Variants in OPRM1 observed in about 807,000 individuals in gnomAD.
OPRM1 encodes mu-type opioid receptor.
In OPRM1, 27 loss-of-function variants were observed where a neutral mutation model predicts 31.8. The ratio of observed to expected loss-of-function variants is 0.85; its 90% CI spans 0.63 to 1.17. The LOEUF (loss-of-function observed/expected upper bound fraction) is 1.17, where lower values mean the gene tolerates loss of function less well. OPRM1 is among the 50% of genes most tolerant of loss of function. The pLI is 0.00. For synonymous variants in OPRM1, 196 were observed against 189.9 expected (o/e 1.03, Z -0.26); for missense variants, 536 against 511.1 (o/e 1.05, Z -0.47).
intron 3 of OPRM1, among the ~76,000 whole-genome samples, chr6:154,098,211 G>T (rs1327821831): frequency 6.6e-6 from 1 of 152,146 alleles, no homozygotes; most frequent in African/African-American, 2.4e-5. Context: ...TCTCAGCATG[G>T]TCTCAGACCT....
intron 1 of OPRM1, chr6:154,086,884 T>TA (rs2128477767): frequency 1.1e-5 from 11 of 983,742 alleles, no homozygotes; most frequent in Non-Finnish European, 1.2e-5. Flanking sequence ...TTCTTCTTAT[T>TA]AAAAAAATAA....
chr6:154,044,271 CAT>C lies in OPRM1; in HGVS notation c.290+4447_290+4448del, dbSNP rs761999693. Among the ~76,000 whole-genome samples the C allele has an allele frequency of 8.6e-5, 13 of 151,888 alleles. No homozygotes were observed. The East Asian group carries it at 2.1e-3, about 25-fold the overall frequency. ...TAAACATTTACTACATATGGAAACA[CAT>C]ATATATATAGTAAACATATGGAAAC... On this transcript the variant is annotated intron_variant, in intron 1 of 3. Transcript: ENST00000330432.
intron 3 of OPRM1, among the ~76,000 whole-genome samples, chr6:154,109,551 G>A (rs1796085245): frequency 6.6e-6 from 1 of 152,120 alleles, no homozygotes; most frequent in South Asian, 2.1e-4. Context: ...TGATGATTAG[G>A]GAATCAGAGG....
At chr6:154,132,948 C>T (rs1238610437), downstream of OPRM1, among the ~76,000 whole-genome samples, 2 of 151,896 alleles carry the variant, frequency 1.3e-5, no homozygotes, top group Non-Finnish European at 2.9e-5. Context: ...GGTGAAACCC[C>T]ATCTCTACTA....
rs1187907157 is a variant in OPRM1 at position 154,122,407 on chromosome 6, C to A, written c.*3686C>A. ...TTCATAAATGCCTGGGCCACTGCAA[C>A]TCTAACCACTGTGTTTCCCCCAGTT... On this transcript the variant is annotated 3_prime_UTR_variant, in exon 4 of 4. Transcript: ENST00000330432. Among the ~76,000 whole-genome samples, 1 of 151,944 alleles carries A rather than the reference C, an allele frequency of 6.6e-6. No homozygotes were observed. The highest frequency in any genetic ancestry group is 1.5e-5 in the Non-Finnish European group (1 of 68,016).
At chr6:154,224,883 G>A (rs1262403572) in intron 3 of OPRM1, among the ~76,000 whole-genome samples, 1 of 152,088 alleles carries the variant, frequency 6.6e-6, no homozygotes, top group African/African-American at 2.4e-5. Flanking sequence ...ATTACTGGAT[G>A]CTGATTCTCG....
intron 1 of OPRM1, among the ~76,000 whole-genome samples, chr6:154,022,850 G>A (rs1778458180): frequency 6.6e-6 from 1 of 152,010 alleles, no homozygotes; most frequent in South Asian, 2.1e-4. Flanking sequence ...GTAAAAAACT[G>A]AGTTCACTGT....
intron 3 of OPRM1, among the ~76,000 whole-genome samples, chr6:154,096,373 A>G (rs758270926): frequency 1.9e-4 from 29 of 152,114 alleles, no homozygotes; most frequent in Non-Finnish European, 3.5e-4. Flanking sequence ...AACGCATTTT[A>G]TATCTTGACA....
chr6:154,090,192 CCAGCCTGAGGGAAGGAGGGTTCA>C lies in OPRM1; in HGVS notation c.643+23_643+45del. 1 of 1,572,482 alleles carries C rather than the reference CCAGCCTGAGGGAAGGAGGGTTCA, an allele frequency of 6.4e-7. No individual in the cohort carries two copies. The highest frequency in any genetic ancestry group is 8.7e-7 in the Non-Finnish European group (1 of 1,146,750). On this transcript the variant is annotated intron_variant, in intron 2 of 3. Transcript: ENST00000330432. ...AATACAGGCAAGGTGAGTGATGTTACCAGCCTGAGGGAAGGAGGGTTCACAGCCTGATATGTTGGTGATGTCAT... is the reference window on the plus strand; with the variant it reads ...AATACAGGCAAGGTGAGTGATGTTACCAGCCTGATATGTTGGTGATGTCAT...
intron 3 of OPRM1, among the ~76,000 whole-genome samples, chr6:154,116,322 C>T (rs1193236862): frequency 6.6e-6 from 1 of 152,044 alleles, no homozygotes; most frequent in Non-Finnish European, 1.5e-5. Flanking sequence ...CGTGGTGCCT[C>T]ATGCCTGTAA....
At chr6:154,011,093 G>A (rs1777700191) in intron 1 of OPRM1, 1 of 1,222,514 alleles carries the variant, frequency 8.2e-7, no homozygotes. Flanking sequence ...AGTAAGGGCT[G>A]CTTGACACTC....
chr6:154,212,032 C>A (rs1337918765), intron 3 of OPRM1, among the ~76,000 whole-genome samples: 1 of 152,178 alleles, frequency 6.6e-6, no homozygotes. Context: ...CATACTACTT[C>A]CAGGGTTGCC....
intron 1 of OPRM1, among the ~76,000 whole-genome samples, chr6:154,030,354 CAG>C (rs1014864622): frequency 1.8e-4 from 27 of 152,142 alleles, no homozygotes; most frequent in Non-Finnish European, 1.5e-4. Flanking sequence ...CTTTTATACC[CAG>C]AAAAATTTTA....
At chr6:154,172,760 T>G (rs942622823) in intron 3 of OPRM1, among the ~76,000 whole-genome samples, 1 of 152,226 alleles carries the variant, frequency 6.6e-6, no homozygotes, top group Non-Finnish European at 1.5e-5. Context: ...AGCAGACAAC[T>G]TCTGCAGATT....
chr6:154,051,374 A>G (rs1341318637), intron 1 of OPRM1, among the ~76,000 whole-genome samples: 1 of 152,222 alleles, frequency 6.6e-6, no homozygotes, highest in East Asian at 1.9e-4. Flanking sequence ...CCATCTGGAA[A>G]GTAAAATCCT....
At chr6:154,151,064 A>G (rs1798486531) in intron 3 of OPRM1, among the ~76,000 whole-genome samples, 1 of 152,190 alleles carries the variant, frequency 6.6e-6, no homozygotes, top group Non-Finnish European at 1.5e-5. Flanking sequence ...CACCACAGGT[A>G]AAAGTCTCAG....
chr6:154,193,847 C>A (rs909287847), intron 3 of OPRM1, among the ~76,000 whole-genome samples: 1 of 152,078 alleles, frequency 6.6e-6, no homozygotes, highest in Non-Finnish European at 1.5e-5. Context: ...TTTTTTTCTT[C>A]CAATGCTGTT....
intron 3 of OPRM1, among the ~76,000 whole-genome samples, chr6:154,228,228 G>A (rs1779423538): frequency 6.6e-6 from 1 of 151,944 alleles, no homozygotes; most frequent in Non-Finnish European, 1.5e-5. Context: ...CGCTTTGGGA[G>A]GCCGAGGCAG....
intron 3 of OPRM1, among the ~76,000 whole-genome samples, chr6:154,184,748 G>A (rs1160148276): frequency 1.3e-5 from 2 of 148,264 alleles, no homozygotes; most frequent in African/African-American, 2.4e-5. Flanking sequence ...TGCTGGTAAA[G>A]GAAATCTTTA....
Sources: gnomAD v4.1 joint callset for allele counts (sites outside exome capture counted in the v4.1 genomes callset) on GRCh38, gnomAD v4.1.1 for gene constraint, MANE v1.5 for transcripts, NCBI Gene and HGNC (gene_info 2026-07-23, HGNC 2026-07-21) for gene names.